The following EVC variants were observed in gnomAD, a reference collection of about 807,000 sequenced individuals.
The protein encoded by EVC is EvC ciliary complex subunit 1.
EVC carries 116 observed loss-of-function variants against 118.9 expected under a neutral mutation model. The ratio of observed to expected loss-of-function variants is 0.98; its 90% CI spans 0.84 to 1.14. EVC has a LOEUF of 1.14. Ranked by LOEUF, EVC falls within the 50% of genes most tolerant of loss-of-function variation. The pLI is 0.00. For synonymous variants in EVC, 619 were observed against 534.7 expected (o/e 1.16, Z -2.18); for missense variants, 1,401 against 1,246.4 (o/e 1.12, Z -1.87).
chr4:5,770,680 A>C (rs781371037), intron 11 of EVC, among the ~76,000 whole-genome samples: 2 of 152,202 alleles, frequency 1.3e-5, no homozygotes, highest in Non-Finnish European at 1.5e-5. Context: ...CAATCAGTCA[A>C]TATTGATGAA....
At chr4:5,785,195 C>T (rs10024507) in intron 12 of EVC, among the ~76,000 whole-genome samples, 10,574 of 152,228 alleles carry the variant, frequency 0.069, 542 homozygotes, top group South Asian at 0.14. Context: ...TCTTAGAACG[C>T]ATGGGAGGCC....
At chr4:5,775,870 T>G (rs1266218213) in intron 11 of EVC, among the ~76,000 whole-genome samples, 2 of 152,212 alleles carry the variant, frequency 1.3e-5, no homozygotes, top group Non-Finnish European at 2.9e-5. Flanking sequence ...AATTTATAGG[T>G]CAATTTGAGG....
chr4:5,766,152 A>T (rs6847273), intron 11 of EVC, among the ~76,000 whole-genome samples: 56,202 of 138,952 alleles, frequency 0.4, 11,729 homozygotes, highest in East Asian at 0.47. Context: ...TTATTTCTCC[A>T]TCACTTATGA....
In EVC at chr4:5,749,958, T is replaced by C. The variant is rs573458354; in HGVS notation, c.1098+1652T>C. Among the ~76,000 whole-genome samples, 221 of 152,296 alleles carry C rather than the reference T, an allele frequency of 1.5e-3. 1 individual carries two copies. The highest frequency in any genetic ancestry group is 5.2e-3 in the African/African-American group (216 of 41,562). Reference sequence around the variant, plus strand: ...GAGTGCAGAATCCTGTCCTCCACCCTTCCCAAGCAGGATCTGCACTTTAAC... The same window carrying C: ...GAGTGCAGAATCCTGTCCTCCACCCCTCCCAAGCAGGATCTGCACTTTAAC... On this transcript the variant is annotated intron_variant, in intron 8 of 20. Transcript: ENST00000264956. The surrounding 1 kb of genome is among the most constrained non-coding windows in gnomAD (Gnocchi z 4.4).
At chr4:5,751,259 G>A (rs988858943) in intron 8 of EVC, among the ~76,000 whole-genome samples, 1 of 152,194 alleles carries the variant, frequency 6.6e-6, no homozygotes, top group African/African-American at 2.4e-5. Flanking sequence ...GCCTGGCACT[G>A]TTGACTCAGC....
intron 12 of EVC, among the ~76,000 whole-genome samples, chr4:5,784,181 AG>A (rs1361039952): frequency 6.6e-6 from 1 of 152,058 alleles, no homozygotes; most frequent in African/African-American, 2.4e-5. Context: ...GACCCCTCAA[AG>A]ATATCTATGC....
the EVC span, chr4:5,825,910 CCACGCACACG>C: frequency 3.9e-6 from 2 of 517,654 alleles, no homozygotes; most frequent in Non-Finnish European, 6.7e-6. The surrounding 1 kb of genome is among the most constrained non-coding windows in gnomAD (Gnocchi z 4.4). Context: ...GACGCACACA[CCACGCACACG>C]CACTCACATA....
the EVC span, among the ~76,000 whole-genome samples, chr4:5,827,609 TACAC>T: frequency 1.3e-5 from 2 of 151,702 alleles, no homozygotes; most frequent in African/African-American, 4.8e-5. Flanking sequence ...CATGCTCGCA[TACAC>T]ACACGCGCAC....
chr4:5,819,709 T>C, the EVC span, among the ~76,000 whole-genome samples: 894 of 152,298 alleles, frequency 5.9e-3, 12 homozygotes, highest in African/African-American at 0.021. Context: ...ACTTTACTTT[T>C]CTGGAAGTTT....
chr4:5,744,226 A>G (rs1729027246), intron 6 of EVC, among the ~76,000 whole-genome samples: 2 of 152,212 alleles, frequency 1.3e-5, no homozygotes, highest in African/African-American at 4.8e-5. Context: ...TGGACAAACT[A>G]TCTTACCTTC....
chr4:5,817,489 T>C (rs1717894798), downstream of EVC, among the ~76,000 whole-genome samples: 1 of 152,228 alleles, frequency 6.6e-6, no homozygotes, highest in African/African-American at 2.4e-5. Flanking sequence ...GGCTTTACTC[T>C]GAAGCCAGGT....
In EVC at chr4:5,719,176, G is replaced by A. The variant is rs1255496488; in HGVS notation, c.175-72G>A. ...GGGGGAGTTGACTGGCAAAAGTCACGGTGGGGACCAGGCCGACTGACCTCA... is the reference window on the plus strand; with the variant it reads ...GGGGGAGTTGACTGGCAAAAGTCACAGTGGGGACCAGGCCGACTGACCTCA... On this transcript the variant is annotated intron_variant, in intron 1 of 20. Transcript: ENST00000264956. This position sits in a 1 kb window ranked among gnomAD's most constrained non-coding sequence, Gnocchi z 4.7. 26 of 1,604,600 alleles carry A rather than the reference G, an allele frequency of 1.6e-5. No individual in the cohort carries two copies. The highest frequency in any genetic ancestry group is 1.7e-4 in the Middle Eastern group (1 of 6,042).
intron 11 of EVC, among the ~76,000 whole-genome samples, chr4:5,768,386 G>A (rs1409884898): frequency 6.6e-6 from 1 of 152,146 alleles, no homozygotes; most frequent in Non-Finnish European, 1.5e-5. Flanking sequence ...GTAAGAGATG[G>A]TGCTGACTGA....
rs1730837866 is a variant in EVC at position 5,754,223 on chromosome 4, A to G, written c.1464+290A>G. 6.6e-6 allele frequency among the ~76,000 whole-genome samples: 1 copy of G among 152,138 alleles called. No homozygotes were observed. On this transcript the variant is annotated intron_variant, in intron 10 of 20. Coordinates refer to ENST00000264956, the MANE Select transcript of EVC (RefSeq NM_153717.3). The surrounding 1 kb of genome is among the most constrained non-coding windows in gnomAD (Gnocchi z 5.8). ...GTGCAGACGCATGGCAGGAGCACAC[A>G]GATGGTGGCAATGGCGTGAAGGGAG...
intron 11 of EVC, among the ~76,000 whole-genome samples, chr4:5,771,689 G>T (rs1178739790): frequency 6.6e-6 from 1 of 152,174 alleles, no homozygotes; most frequent in African/African-American, 2.4e-5. Flanking sequence ...AATGACAGAA[G>T]CCTGGGCACC....
At chr4:5,826,907 A>G in the EVC span, 4 of 152,810 alleles carry the variant, frequency 2.6e-5, no homozygotes, top group Non-Finnish European at 5.8e-5. Flanking sequence ...CATCATGTCA[A>G]CGGCCCTCCC....
chr4:5,768,009 GTTCATTCA>G (rs572154695), intron 11 of EVC, among the ~76,000 whole-genome samples: 4 of 152,060 alleles, frequency 2.6e-5, no homozygotes, highest in African/African-American at 9.7e-5. Context: ...TCATTCATTC[GTTCATTCA>G]TTCATTCATT....
chr4:5,793,810 C>T (rs1232207521), intron 13 of EVC, 93 bp downstream of exon 13: 2 of 943,630 alleles, frequency 2.1e-6, no homozygotes, highest in African/African-American at 3.2e-5. Context: ...GGCACGCTGA[C>T]TGCCCCTCAG....
At chr4:5,768,533 A>G (rs183149988) in intron 11 of EVC, among the ~76,000 whole-genome samples, 1 of 152,160 alleles carries the variant, frequency 6.6e-6, no homozygotes, top group Non-Finnish European at 1.5e-5. Context: ...TAAAGCATAT[A>G]GAAGAGTGTT....
Sources: allele counts gnomAD v4.1 joint callset (sites outside exome capture counted in the v4.1 genomes callset), GRCh38; gene constraint gnomAD v4.1.1; non-coding constraint Gnocchi (gnomAD v3.1); transcripts MANE v1.5; gene names NCBI Gene and HGNC (gene_info 2026-07-23, HGNC 2026-07-21).